The following TTBK2 variants were observed in gnomAD, a reference collection of about 807,000 sequenced individuals.
TTBK2 encodes tau tubulin kinase 2, also known as tau-tubulin kinase 2.
TTBK2 carries 28 observed loss-of-function variants against 110.8 expected under a neutral mutation model. That is an observed-to-expected ratio of 0.25 (90% CI 0.19 to 0.35). The LOEUF (loss-of-function observed/expected upper bound fraction) is 0.35, where lower values mean the gene tolerates loss of function less well. TTBK2 is among the 10% of genes least tolerant of loss of function. The probability of loss-of-function intolerance (pLI) is 1.00; values close to 1 mark genes in which losing one functional copy is unlikely to be tolerated. For synonymous variants in TTBK2, 532 were observed against 527.3 expected (o/e 1.01, Z -0.12); for missense variants, 1,369 against 1,500.3 (o/e 0.91, Z 1.45).
chr15:42,783,803 T>C (rs1441062184), intron 10 of TTBK2, among the ~76,000 whole-genome samples, 168 bp from the exon 11 acceptor site: 3 of 150,564 alleles, frequency 2.0e-5, no homozygotes, highest in Non-Finnish European at 4.4e-5. Context: ...GGCTTATGCC[T>C]GTAATCCCAG....
At position 42,840,423 on chromosome 15, in the gene TTBK2, A is replaced by G. The variant is rs1396739498; in HGVS notation, c.228T>C (p.His76=). The G allele has an allele frequency of 3.1e-6, 5 of 1,613,858 alleles. No homozygotes were observed. In the Admixed American group the frequency reaches 8.3e-5, roughly 27 times the overall value. ...AVLKKLQGKD[H]VCRFIGCGRN... is the part of the protein sequence containing the mutation. ...TCCCACAGCCAATAAATCTACAAAC[A>G]TGGTCTTTCCCTGGATAAAAAAAGA... The change falls in exon 4 of 15, where the codon CAT becomes CAC. Residue 76 remains histidine, a synonymous_variant. Transcript: ENST00000267890.
chr15:42,810,783 T>C (rs1891676605), intron 8 of TTBK2, 44 bp from the exon 9 acceptor site: 3 of 1,610,834 alleles, frequency 1.9e-6, no homozygotes, highest in African/African-American at 1.3e-5. Context: ...TTTCTCTTGG[T>C]GGTTAGGCAT....
chr15:42,866,966 C>T (rs568202887), intron 3 of TTBK2, among the ~76,000 whole-genome samples: 3 of 152,164 alleles, frequency 2.0e-5, no homozygotes, highest in East Asian at 3.9e-4. Context: ...AGATCTAGGC[C>T]GGGCGCAGTG....
At chr15:42,793,611 G>A (rs1165682499) in intron 10 of TTBK2, among the ~76,000 whole-genome samples, 1 of 151,912 alleles carries the variant, frequency 6.6e-6, no homozygotes, top group Non-Finnish European at 1.5e-5. Flanking sequence ...CACTTTTGGA[G>A]AACAAGACAG....
intron 6 of TTBK2, among the ~76,000 whole-genome samples, chr15:42,821,395 T>C (rs1305312695): frequency 6.6e-6 from 1 of 152,222 alleles, no homozygotes; most frequent in Non-Finnish European, 1.5e-5. Context: ...TAATTTGCTT[T>C]ACTTTTAATT....
At chr15:42,801,856 C>A (rs747969847) in intron 9 of TTBK2, 1 of 969,732 alleles carries the variant, frequency 1.0e-6, no homozygotes, top group South Asian at 1.3e-5. Flanking sequence ...CATCTCTGTA[C>A]ATTTACTGAT....
intron 10 of TTBK2, 144 bp downstream of exon 10, chr15:42,794,500 A>G (rs1164182018): frequency 1.8e-6 from 2 of 1,124,222 alleles, no homozygotes; most frequent in African/African-American, 3.1e-5. Flanking sequence ...AGGCGTACAT[A>G]AGAGCAATGT....
intron 4 of TTBK2, among the ~76,000 whole-genome samples, chr15:42,839,711 ATTCT>A (rs1893142701): frequency 6.6e-6 from 1 of 152,134 alleles, no homozygotes; most frequent in African/African-American, 2.4e-5. Flanking sequence ...GATGTTGAAC[ATTCT>A]TTCATATGCT....
In TTBK2 at chr15:42,877,426, C is replaced by T. The variant is rs1309353474; in HGVS notation, c.69+1123G>A. 2.0e-5 allele frequency among the ~76,000 whole-genome samples: 3 copies of T among 151,830 alleles called. No homozygotes were observed. In the East Asian group the frequency reaches 5.8e-4, roughly 29 times the overall value. ...GTTAACCCCAAATGGAAGCAAATAG[C>T]AAAATCCAAACCATGGGAAAGTCTA... On this transcript the variant is annotated intron_variant, in intron 2 of 14. Transcript: ENST00000267890.
At position 42,878,649 on chromosome 15, in the gene TTBK2, C is replaced by T; in HGVS notation, c.-32G>A. 6.2e-7 allele frequency: 1 copy of T among 1,613,746 alleles called. No individual in the cohort carries two copies. The highest frequency in any genetic ancestry group is 8.5e-7 in the Non-Finnish European group (1 of 1,179,886). ...ACACTGATATGGTAGAACAGCTACA[C>T]AGGCATCCAGTTCCCAAGGGTGGTT... On this transcript the variant is annotated 5_prime_UTR_variant, in exon 2 of 15. The change creates a new upstream start codon in the 5' untranslated region. Transcript: ENST00000267890.
At chr15:42,899,300 T>G (rs1895790052) in intron 1 of TTBK2, among the ~76,000 whole-genome samples, 1 of 151,264 alleles carries the variant, frequency 6.6e-6, no homozygotes, top group Admixed American at 6.6e-5. Flanking sequence ...GCCTGGCCAA[T>G]TTATAAAACA....
chr15:42,893,765 A>G (rs1895559490), intron 1 of TTBK2, among the ~76,000 whole-genome samples: 1 of 152,082 alleles, frequency 6.6e-6, no homozygotes, highest in South Asian at 2.1e-4. Flanking sequence ...CTCACAAATA[A>G]TCAATATTAG....
intron 13 of TTBK2, among the ~76,000 whole-genome samples, 197 bp downstream of exon 13, chr15:42,774,938 T>C (rs1378078942): frequency 6.6e-6 from 1 of 152,226 alleles, no homozygotes; most frequent in Non-Finnish European, 1.5e-5. Flanking sequence ...TTGAGTTTGA[T>C]ATAATAAAAG....
At chr15:42,788,310 T>C (rs191827036) in intron 10 of TTBK2, among the ~76,000 whole-genome samples, 3 of 152,342 alleles carry the variant, frequency 2.0e-5, no homozygotes, top group African/African-American at 7.2e-5. Flanking sequence ...TGTGACCTAA[T>C]ACCTGATCAA....
At chr15:42,802,200 G>T in intron 9 of TTBK2, 1 of 1,070,350 alleles carries the variant, frequency 9.3e-7, no homozygotes, top group Non-Finnish European at 1.4e-6. Context: ...GGCTCAGCAG[G>T]CTTTGGTTGA....
chr15:42,781,054 A>T (rs897057723), intron 11 of TTBK2, among the ~76,000 whole-genome samples: 9 of 152,220 alleles, frequency 5.9e-5, no homozygotes, highest in African/African-American at 2.2e-4. Flanking sequence ...TTGTCCACTT[A>T]TACTCCACTT....
chr15:42,748,824 G>C (rs1304227483), intron 14 of TTBK2, among the ~76,000 whole-genome samples: 1 of 152,128 alleles, frequency 6.6e-6, no homozygotes, highest in Non-Finnish European at 1.5e-5. Flanking sequence ...AAAAAGTATA[G>C]CATGCAGTAT....
At chr15:42,857,596 C>CT (rs1893993479) in intron 3 of TTBK2, 1 of 152,102 alleles carries the variant, frequency 6.6e-6, no homozygotes, top group Non-Finnish European at 1.5e-5. Context: ...CAATGAGTCT[C>CT]TAATCCATTC....
chr15:42,819,014 G>A (rs762387848), intron 6 of TTBK2, among the ~76,000 whole-genome samples: 1 of 150,974 alleles, frequency 6.6e-6, no homozygotes, highest in Non-Finnish European at 1.5e-5. Context: ...GACGATTCGT[G>A]GGTGGCACTG....
Sources: allele counts gnomAD v4.1 joint callset (sites outside exome capture counted in the v4.1 genomes callset), GRCh38; gene constraint gnomAD v4.1.1; transcripts MANE v1.5; gene names NCBI Gene and HGNC (gene_info 2026-07-23, HGNC 2026-07-21).